The following TADA2A variants were observed in gnomAD, a reference collection of about 807,000 sequenced individuals.
TADA2A encodes transcriptional adaptor 2A.
A neutral mutation model predicts 67.4 loss-of-function variants in TADA2A; 38 were observed. That is an observed-to-expected ratio of 0.56 (90% CI 0.44 to 0.74). The LOEUF (loss-of-function observed/expected upper bound fraction) is 0.74, where lower values mean the gene tolerates loss of function less well. Among genes scored for constraint, TADA2A ranks in the 30% least tolerant of loss-of-function variants. The pLI is 0.00. For synonymous variants in TADA2A, 192 were observed against 181.6 expected (o/e 1.06, Z -0.46); for missense variants, 454 against 547.0 (o/e 0.83, Z 1.70).
At chr17:37,454,224 G>T in intron 8 of TADA2A, 1 of 156,238 alleles carries the variant, frequency 6.4e-6, no homozygotes, top group South Asian at 1.8e-4. Context: ...AGACACAAGA[G>T]GCGCTATGCC....
intron 4 of TADA2A, among the ~76,000 whole-genome samples, chr17:37,433,969 G>C (rs1009051098): frequency 6.6e-6 from 1 of 151,552 alleles, no homozygotes; most frequent in African/African-American, 2.4e-5. Context: ...AAAAAAAAGT[G>C]GGGGGCAAAA....
At chr17:37,444,861 C>A (rs2053029820) in intron 8 of TADA2A, 93 bp downstream of exon 8, 3 of 1,142,404 alleles carry the variant, frequency 2.6e-6, no homozygotes, top group Non-Finnish European at 3.9e-6. Flanking sequence ...TAGAACATGT[C>A]CCCTGCCCTT....
At chr17:37,473,127 A>ATTTTTTTTTTTTT (rs1020173351) in intron 14 of TADA2A, among the ~76,000 whole-genome samples, 2 of 85,676 alleles carry the variant, frequency 2.3e-5, no homozygotes, top group African/African-American at 8.8e-5. Context: ...ACCTGGAGAA[A>ATTTTTTTTTTTTT]TTTTTTTTTT....
Position 37,462,071 on chromosome 17 carries a change from A to G in TADA2A, c.669-7A>G. ...AATGCACAAATTATTGTGGCTTTTCATTCTAGAATTATAAGAGACCATGGA... is the reference window on the plus strand; with the variant it reads ...AATGCACAAATTATTGTGGCTTTTCGTTCTAGAATTATAAGAGACCATGGA... On this transcript the variant is annotated splice_polypyrimidine_tract_variant and splice_region_variant and intron_variant, in intron 9 of 15. Coordinates refer to ENST00000615182, the MANE Select transcript of TADA2A (RefSeq NM_001166105.3). 2 of 1,563,084 alleles carry G rather than the reference A, an allele frequency of 1.3e-6. No homozygotes were observed. Among genetic ancestry groups the G allele is most frequent in the Admixed American group, 1.8e-5 (1 of 56,770 alleles).
chr17:37,450,394 T>C (rs1171987764), intron 8 of TADA2A, among the ~76,000 whole-genome samples: 2 of 152,222 alleles, frequency 1.3e-5, no homozygotes, highest in Non-Finnish European at 1.5e-5. Flanking sequence ...TTAAGGCCTC[T>C]GAGTTGGTTT....
At chr17:37,476,633 T>C (rs544516544) in intron 15 of TADA2A, among the ~76,000 whole-genome samples, 164 bp from the exon 16 acceptor site, 2 of 152,180 alleles carry the variant, frequency 1.3e-5, no homozygotes, top group Non-Finnish European at 2.9e-5. Flanking sequence ...GGGAGTGTTC[T>C]CTCCAGAGAG....
At chr17:37,435,369 A>G (rs2052692024) in intron 4 of TADA2A, among the ~76,000 whole-genome samples, 1 of 152,098 alleles carries the variant, frequency 6.6e-6, no homozygotes, top group African/African-American at 2.4e-5. Flanking sequence ...GCTCACCGCA[A>G]GCTCCACCTC....
At chr17:37,460,728 T>C (rs2053527591) in intron 9 of TADA2A, among the ~76,000 whole-genome samples, 1 of 152,194 alleles carries the variant, frequency 6.6e-6, no homozygotes. Flanking sequence ...TCTGTTGGTT[T>C]CAGAGAAGAG....
chr17:37,465,621 G>A, intron 11 of TADA2A, 80 bp downstream of exon 11: 2 of 1,573,450 alleles, frequency 1.3e-6, no homozygotes, highest in Admixed American at 1.9e-5. Flanking sequence ...TGTTTTATGT[G>A]AAGTTCTATA....
chr17:37,467,054 C>T (rs1054499222), intron 11 of TADA2A, among the ~76,000 whole-genome samples: 15 of 151,926 alleles, frequency 9.9e-5, no homozygotes, highest in African/African-American at 2.9e-4. Flanking sequence ...CTACTCAGGA[C>T]GCTGAGGCAG....
chr17:37,458,468 T>G lies in TADA2A; in HGVS notation c.605-56T>G, dbSNP rs1470010243. On this transcript the variant is annotated intron_variant, in intron 8 of 15. Coordinates refer to ENST00000615182, the MANE Select transcript of TADA2A (RefSeq NM_001166105.3). ...TTTATTTTTGTCTTGGTTTTATTTA[T>G]TTATATAATATATATATGATATGTA... 15 of 1,141,362 alleles carry G rather than the reference T, an allele frequency of 1.3e-5. No individual in the cohort carries two copies. The East Asian group carries it at 4.8e-4, about 36-fold the overall frequency. 70.7% of individuals were successfully genotyped at this position (1,141,362 alleles called of 1,614,324 possible).
At chr17:37,459,923 G>A (rs1018486427) in intron 9 of TADA2A, among the ~76,000 whole-genome samples, 1 of 151,534 alleles carries the variant, frequency 6.6e-6, no homozygotes, top group Non-Finnish European at 1.5e-5. Context: ...AAAATTAGCT[G>A]GGGGTGGTGG....
intron 3 of TADA2A, among the ~76,000 whole-genome samples, chr17:37,424,889 T>A (rs2147929796): frequency 6.6e-6 from 1 of 151,168 alleles, no homozygotes; most frequent in South Asian, 2.1e-4. Context: ...CACGACAGAG[T>A]CTTGCTCTAT....
At chr17:37,469,613 A>G (rs559807786) in intron 12 of TADA2A, among the ~76,000 whole-genome samples, 100 of 152,294 alleles carry the variant, frequency 6.6e-4, no homozygotes, top group African/African-American at 2.4e-3. Context: ...AGCCTGGGCA[A>G]CAAGAGCGAA....
At chr17:37,458,316 T>C (rs2053450400) in intron 8 of TADA2A, among the ~76,000 whole-genome samples, 1 of 152,228 alleles carries the variant, frequency 6.6e-6, no homozygotes, top group South Asian at 2.1e-4. Context: ...CCATAAGATA[T>C]ATAAATAGCG....
rs768738677 is a variant in TADA2A, at chr17:37,440,623, G to A, written c.403G>A (p.Glu135Lys). 1 of 1,614,016 alleles carries A rather than the reference G, an allele frequency of 6.2e-7. No individual in the cohort carries two copies. Among genetic ancestry groups the A allele is most frequent in the Non-Finnish European group, 8.5e-7 (1 of 1,180,036 alleles). Residue 135 changes from glutamate to lysine, a missense_variant, in exon 6 of 16, where the codon GAG (glutamate) becomes AAG (lysine). This residue lies in a region of TADA2A where 403 missense variants were observed against 455.5 expected (regional missense o/e 0.88). Coordinates refer to ENST00000615182, the MANE Select transcript of TADA2A (RefSeq NM_001166105.3). ...ASTLLNLKQA[E>K]EAKTADTAIP... Reference sequence around the variant, plus strand: ...TACCCTGCTGAACCTGAAACAAGCAGAGGAAGCAAAAACTGCTGACACAGC... The same window carrying A: ...TACCCTGCTGAACCTGAAACAAGCAAAGGAAGCAAAAACTGCTGACACAGC...
At chr17:37,426,889 C>G (rs1439446431) in intron 3 of TADA2A, 61 bp from the exon 4 acceptor site, 2 of 1,482,390 alleles carry the variant, frequency 1.3e-6, no homozygotes, top group East Asian at 2.4e-5. Flanking sequence ...AAGAATAACA[C>G]AAACCTCCTC....
chr17:37,424,358 CT>C (rs1222178749), intron 3 of TADA2A, among the ~76,000 whole-genome samples: 429 of 142,404 alleles, frequency 3.0e-3, no homozygotes, highest in African/African-American at 4.0e-3. Context: ...GCAGGAGAAT[CT>C]TTTTTTTTTT....
At chr17:37,457,176 CTTTTTTTTTTT>C (rs34125875) in intron 8 of TADA2A, among the ~76,000 whole-genome samples, 1 of 105,970 alleles carries the variant, frequency 9.4e-6, no homozygotes, top group South Asian at 3.1e-4. Flanking sequence ...AATCATTATT[CTTTTTTTTTTT>C]TTTTTTTTTT....
Sources: allele counts gnomAD v4.1 joint callset (sites outside exome capture counted in the v4.1 genomes callset), GRCh38; gene constraint gnomAD v4.1.1; regional missense constraint gnomAD v4.1.1; transcripts MANE v1.5; gene names NCBI Gene and HGNC (gene_info 2026-07-23, HGNC 2026-07-21).